The following CCDC88C variants were observed in gnomAD, a reference collection of about 807,000 sequenced individuals.
CCDC88C encodes protein Daple.
Under a neutral mutation model 198.8 loss-of-function variants are expected in CCDC88C, and 131 were observed. The ratio of observed to expected loss-of-function variants is 0.66; its 90% CI spans 0.57 to 0.76. The LOEUF (loss-of-function observed/expected upper bound fraction) is 0.76, where lower values mean the gene tolerates loss of function less well. Among genes scored for constraint, CCDC88C ranks in the 30% least tolerant of loss-of-function variants. CCDC88C has a pLI of 0.00. For missense variants in CCDC88C, 2,553 were observed against 2,631.6 expected (o/e 0.97, Z 0.65); for synonymous variants, 1,166 against 1,114.7 (o/e 1.05, Z -0.92).
rs1416266091 is a variant in CCDC88C at position 91,308,509 on chromosome 14, T to C, written c.2865-17A>G. ...TTGTATTTTCTGGAAAACACAAAGA[T>C]ACAATAGTATCACTTATCTACTTCC... On this transcript the variant is annotated splice_polypyrimidine_tract_variant and intron_variant, in intron 16 of 29. Coordinates refer to ENST00000389857, the MANE Select transcript of CCDC88C (RefSeq NM_001080414.4). The C allele has an allele frequency of 1.9e-6, 3 of 1,612,724 alleles. No individual in the cohort carries two copies. The highest frequency in any genetic ancestry group is 2.5e-6 in the Non-Finnish European group (3 of 1,179,202).
chr14:91,333,646 G>A (rs377537007), intron 10 of CCDC88C, among the ~76,000 whole-genome samples: 131 of 152,260 alleles, frequency 8.6e-4, no homozygotes, highest in Middle Eastern at 3.4e-3. Context: ...TTCCTATAAC[G>A]CACATATTAG....
intron 19 of CCDC88C, among the ~76,000 whole-genome samples, chr14:91,304,781 A>G (rs1891488849): frequency 6.6e-6 from 1 of 152,272 alleles, no homozygotes; most frequent in Admixed American, 6.5e-5. Flanking sequence ...TTATGAAGCC[A>G]GAATTACCCT....
At chr14:91,321,094 C>A (rs1892335528) in intron 13 of CCDC88C, 26 bp downstream of exon 13, 4 of 1,584,608 alleles carry the variant, frequency 2.5e-6, no homozygotes, top group South Asian at 2.3e-5. Context: ...CTGTGCTTCC[C>A]CGGTGGCCTA....
chr14:91,313,980 C>T lies in CCDC88C; in HGVS notation c.1836G>A (p.Glu612=). 1.2e-6 allele frequency: 2 copies of T among 1,613,876 alleles called. No homozygotes were observed. The highest frequency in any genetic ancestry group is 1.7e-6 in the Non-Finnish European group (2 of 1,179,894). The change falls in exon 15 of 30, where the codon GAG becomes GAA. Residue 612 remains glutamate (E), a synonymous_variant. Transcript: ENST00000389857. The surrounding 1 kb of genome is among the most constrained non-coding windows in gnomAD (Gnocchi z 5.2). ...CCAAGTCCCTGTGCAGCTGCCGCTTCTCAAACTCCAACTGGCTGAGCTTGC... is the reference window on the plus strand; with the variant it reads ...CCAAGTCCCTGTGCAGCTGCCGCTTTTCAAACTCCAACTGGCTGAGCTTGC... ...ANGKLSQLEF[E]KRQLHRDLEQ...
chr14:91,298,305 C>T (rs77794369), intron 21 of CCDC88C, among the ~76,000 whole-genome samples: 1,598 of 151,902 alleles, frequency 0.011, 34 homozygotes, highest in African/African-American at 0.037. Context: ...ACCCGGGAGG[C>T]GGAGCTTGCA....
intron 3 of CCDC88C, among the ~76,000 whole-genome samples, chr14:91,366,919 C>T (rs1169436262): frequency 2.0e-5 from 3 of 152,168 alleles, no homozygotes; most frequent in Admixed American, 6.5e-5. Flanking sequence ...CCTGCTCCAA[C>T]AAAAAGGTCA....
intron 3 of CCDC88C, among the ~76,000 whole-genome samples, chr14:91,372,783 G>T (rs979559876): frequency 1.3e-5 from 2 of 152,036 alleles, no homozygotes; most frequent in Non-Finnish European, 2.9e-5. Flanking sequence ...GTTGCTGCTG[G>T]GCCTCGGCAT....
intron 23 of CCDC88C, among the ~76,000 whole-genome samples, chr14:91,291,413 G>A (rs963907997): frequency 6.6e-6 from 1 of 152,204 alleles, no homozygotes; most frequent in Admixed American, 6.5e-5. Flanking sequence ...CAAGACGTGA[G>A]ATGCTCCTGG....
Position 91,284,352 on chromosome 14 carries a change from G to T in CCDC88C, c.4442-835C>A, listed in dbSNP as rs1890316512. Among the ~76,000 whole-genome samples the T allele has an allele frequency of 6.6e-6, 1 of 152,176 alleles. No individual in the cohort carries two copies. The highest frequency in any genetic ancestry group is 6.5e-5 in the Admixed American group (1 of 15,284). The stretch of plus-strand genomic sequence containing the variant: ...CTGCCCTCCCAGCCACTCAAAGTCT[G>T]GGCTCACTGTGCAGTTTTAAGTGCC... On this transcript the variant is annotated intron_variant, in intron 25 of 29. Transcript: ENST00000389857. This position sits in a 1 kb window ranked among gnomAD's most constrained non-coding sequence, Gnocchi z 4.1.
rs545009211 is a variant in CCDC88C, at chr14:91,314,250, C to CT, written c.1666-101dup. The CT allele has an allele frequency of 3.1e-3, 2,900 of 930,640 alleles. 6 individuals carry two copies. The highest frequency in any genetic ancestry group is 4.6e-3 in the Admixed American group (197 of 42,458). The allele number at this position is 930,640 out of a possible 1,614,324, so 57.6% of individuals were successfully genotyped here. A position where few individuals can be genotyped will look rare whatever the true frequency, so the allele number is the denominator to read the frequency against. ...ATGGGAGAGAGAAGGCCTTGAACGG[C>CT]TGTCCTACCTGTGCTCAGACACTGC... On this transcript the variant is annotated intron_variant, in intron 14 of 29. Transcript: ENST00000389857.
chr14:91,342,498 T>C, intron 5 of CCDC88C, 35 bp from the exon 6 acceptor site: 2 of 1,390,368 alleles, frequency 1.4e-6, no homozygotes, highest in Non-Finnish European at 2.0e-6. Flanking sequence ...GGAAGCGCTG[T>C]TCAAGTGAGG....
chr14:91,408,567 A>C, intron 3 of CCDC88C, 92 bp downstream of exon 3: 1 of 798,740 alleles, frequency 1.3e-6, no homozygotes, highest in South Asian at 1.4e-5. Flanking sequence ...AAACATAAGC[A>C]CCGTTTCCTC....
chr14:91,315,935 C>A, intron 13 of CCDC88C, 148 bp from the exon 14 acceptor site: 1 of 728,260 alleles, frequency 1.4e-6, no homozygotes. Context: ...GTAGCAACTC[C>A]CCACACCACA....
chr14:91,308,751 T>C (rs1891669412), intron 16 of CCDC88C, among the ~76,000 whole-genome samples: 1 of 152,180 alleles, frequency 6.6e-6, no homozygotes, highest in South Asian at 2.1e-4. Flanking sequence ...GCAGGAATTA[T>C]TATTGCCATT....
chr14:91,381,143 G>T lies in CCDC88C; in HGVS notation c.271-21432C>A, dbSNP rs544583080. 2.6e-5 allele frequency among the ~76,000 whole-genome samples: 4 copies of T among 152,242 alleles called. No individual in the cohort carries two copies. The highest frequency in any genetic ancestry group is 4.1e-4 in the South Asian group (2 of 4,824). On this transcript the variant is annotated intron_variant, in intron 3 of 29. Coordinates refer to ENST00000389857, the MANE Select transcript of CCDC88C (RefSeq NM_001080414.4). The surrounding 1 kb of genome is among the most constrained non-coding windows in gnomAD (Gnocchi z 4.2). Reference sequence around the variant, plus strand: ...GAAAGGTTACCTCCATCACTCAGGGGCTCCCAGAGAAGCACCTGTGGGTGG... The same window carrying T: ...GAAAGGTTACCTCCATCACTCAGGGTCTCCCAGAGAAGCACCTGTGGGTGG...
chr14:91,405,636 T>C (rs1372169988), intron 3 of CCDC88C, among the ~76,000 whole-genome samples: 2 of 152,144 alleles, frequency 1.3e-5, no homozygotes, highest in African/African-American at 2.4e-5. Flanking sequence ...TGAAAGGAAA[T>C]ACTACAAACG....
rs1893334950 is a variant in CCDC88C at position 91,342,074 on chromosome 14, C to T, written c.483+306G>A. The T allele has an allele frequency of 1.2e-5, 3 of 255,388 alleles. No homozygotes were observed. The South Asian group carries it at 2.1e-4, about 18-fold the overall frequency. The allele number at this position is 255,388 out of a possible 1,614,324, so 15.8% of individuals were successfully genotyped here. ...TGTAAATCAAACTCTGGGCCTCAAC[C>T]AGTTGACAGCTCTTAAAAATAGTCT... On this transcript the variant is annotated intron_variant, in intron 6 of 29. Coordinates refer to ENST00000389857, the MANE Select transcript of CCDC88C (RefSeq NM_001080414.4).
At chr14:91,398,593 G>C (rs1885985853) in intron 3 of CCDC88C, among the ~76,000 whole-genome samples, 1 of 152,124 alleles carries the variant, frequency 6.6e-6, no homozygotes, top group African/African-American at 2.4e-5. Flanking sequence ...GGAGTTTGAG[G>C]TTACAATGAG....
At chr14:91,365,086 G>C (rs1894472354) in intron 3 of CCDC88C, among the ~76,000 whole-genome samples, 7 of 152,172 alleles carry the variant, frequency 4.6e-5, no homozygotes, top group Admixed American at 3.9e-4. Context: ...GTGACGCTAA[G>C]CACTTGTCAC....
Sources: gnomAD v4.1 joint callset for allele counts (sites outside exome capture counted in the v4.1 genomes callset) on GRCh38, gnomAD v4.1.1 for gene constraint, Gnocchi (gnomAD v3.1) non-coding constraint, MANE v1.5 for transcripts, NCBI Gene and HGNC (gene_info 2026-07-23, HGNC 2026-07-21) for gene names.